Variants in FAM76A observed in about 807,000 individuals in gnomAD.
The protein encoded by FAM76A is protein FAM76A.
In FAM76A, 32 loss-of-function variants were observed where a neutral mutation model predicts 46.2. That is an observed-to-expected ratio of 0.69 (90% confidence interval 0.52 to 0.93). The LOEUF (loss-of-function observed/expected upper bound fraction) is 0.93. Ranked by LOEUF, FAM76A falls within the 40% of genes least tolerant of loss-of-function variation. The pLI is 0.00. For missense variants in FAM76A, 274 were observed against 361.5 expected (o/e 0.76, Z 1.96); for synonymous variants, 137 against 127.0 (o/e 1.08, Z -0.53).
chr1:27,751,155 AAGGT>A (rs1350384510), intron 6 of FAM76A, among the ~76,000 whole-genome samples: 7 of 152,172 alleles, frequency 4.6e-5, no homozygotes, highest in African/African-American at 1.4e-4. Context: ...CTCAAAAAAA[AAGGT>A]AGGGGAGATA....
At chr1:27,734,244 T>C (rs2088007320) in intron 4 of FAM76A, 61 bp downstream of exon 4, 24 of 1,524,014 alleles carry the variant, frequency 1.6e-5, no homozygotes, top group Non-Finnish European at 8.8e-7. Flanking sequence ...GTGGACTAAC[T>C]GTGTTAAAAA....
chr1:27,744,906 C>T (rs1241855312), intron 5 of FAM76A, 95 bp downstream of exon 5: 1 of 1,223,092 alleles, frequency 8.2e-7, no homozygotes, highest in Non-Finnish European at 1.1e-6. Context: ...ATCTCATATA[C>T]ATTTTCTATA....
chr1:27,742,611 A>C (rs1488576309), intron 4 of FAM76A, among the ~76,000 whole-genome samples: 1 of 152,142 alleles, frequency 6.6e-6, no homozygotes, highest in African/African-American at 2.4e-5. Context: ...GTTTGGGGAG[A>C]TGTTGGCCAA....
intron 6 of FAM76A, among the ~76,000 whole-genome samples, chr1:27,749,678 G>T (rs2088302045): frequency 6.6e-6 from 1 of 152,134 alleles, no homozygotes; most frequent in Non-Finnish European, 1.5e-5. Flanking sequence ...ATTCTAAGAA[G>T]TCCAGAGCTG....
At chr1:27,749,631 CAGGCATGAG>C (rs1323319178) in intron 6 of FAM76A, among the ~76,000 whole-genome samples, 1 of 152,132 alleles carries the variant, frequency 6.6e-6, no homozygotes, top group African/African-American at 2.4e-5. Context: ...GCGGGGATTA[CAGGCATGAG>C]CCACCTTGCC....
chr1:27,760,017 C>T (rs141031717), intron 8 of FAM76A: 8,989 of 458,182 alleles, frequency 0.02, 143 homozygotes, highest in Middle Eastern at 0.043. Flanking sequence ...AAGCAATCCT[C>T]CCACCTCAAC....
intron 4 of FAM76A, among the ~76,000 whole-genome samples, chr1:27,740,881 C>G (rs989265232): frequency 2.0e-5 from 3 of 152,004 alleles, no homozygotes; most frequent in Non-Finnish European, 4.4e-5. Context: ...GTAATCCCAG[C>G]ACTTTGGGAG....
In FAM76A at chr1:27,755,276, C is replaced by T; in HGVS notation, c.681C>T (p.Thr227=). 1 of 1,614,000 alleles carries T rather than the reference C, an allele frequency of 6.2e-7. No individual in the cohort carries two copies. Among genetic ancestry groups the T allele is most frequent in the Non-Finnish European group, 8.5e-7 (1 of 1,179,992 alleles). ...CCCAACTGAAGGAAGAAGTGGCTACCCTGAAGAAGATGTTGCATCAAAAGG... is the reference window on the plus strand; with the variant it reads ...CCCAACTGAAGGAAGAAGTGGCTACTCTGAAGAAGATGTTGCATCAAAAGG... ...IIAQLKEEVA[T]LKKMLHQKDQ... The change falls in exon 7 of 9, where the codon ACC becomes ACT. Residue 227 remains threonine, a synonymous_variant. Coordinates refer to ENST00000373954, the MANE Select transcript of FAM76A (RefSeq NM_152660.3).
rs1303331611 is a variant in FAM76A at position 27,752,351 on chromosome 1, GTC to G, written c.600-2840_600-2839del. 3.3e-5 allele frequency among the ~76,000 whole-genome samples: 5 copies of G among 152,088 alleles called. No individual in the cohort carries two copies. The East Asian group carries it at 9.7e-4, about 29-fold the overall frequency. On this transcript the variant is annotated intron_variant, in intron 6 of 8. Coordinates refer to ENST00000373954, the MANE Select transcript of FAM76A (RefSeq NM_152660.3). ...TTCTAAGTATCCTACAACATCCACA[GTC>G]TCTGTCTCAATATGTCCTAATTTGT...
At position 27,752,743 on chromosome 1, in the gene FAM76A, A is replaced by G. The variant is rs141483940; in HGVS notation, c.600-2452A>G. The stretch of plus-strand genomic sequence containing the variant: ...ACAGTACGAGCTTTTGTAAAAGACA[A>G]TTTTTCTGGAGAAGTAGTAGTTCCC... On this transcript the variant is annotated intron_variant, in intron 6 of 8. Coordinates refer to ENST00000373954, the MANE Select transcript of FAM76A (RefSeq NM_152660.3). Among the ~76,000 whole-genome samples, 1,322 of 152,292 alleles carry G rather than the reference A, an allele frequency of 8.7e-3. 8 individuals are homozygous for G. The highest frequency in any genetic ancestry group is 0.034 in the Middle Eastern group (10 of 294).
chr1:27,753,202 G>A (rs578142591), intron 6 of FAM76A, among the ~76,000 whole-genome samples: 1 of 152,160 alleles, frequency 6.6e-6, no homozygotes, highest in Non-Finnish European at 1.5e-5. Flanking sequence ...AGAAAAGAGA[G>A]AGTTAGTGAG....
intron 2 of FAM76A, 77 bp downstream of exon 2, chr1:27,727,613 A>G: frequency 9.5e-7 from 1 of 1,050,176 alleles, no homozygotes; most frequent in Non-Finnish European, 1.5e-6. Context: ...CATTTCATGT[A>G]CAGATGCTAT....
intron 6 of FAM76A, among the ~76,000 whole-genome samples, chr1:27,750,546 T>G (rs2088314531): frequency 6.6e-6 from 1 of 152,262 alleles, no homozygotes; most frequent in Non-Finnish European, 1.5e-5. Flanking sequence ...TATAAAGGCC[T>G]AAGCCAAGAC....
chr1:27,734,920 G>A (rs950098058), intron 4 of FAM76A, among the ~76,000 whole-genome samples: 1 of 152,220 alleles, frequency 6.6e-6, no homozygotes, highest in Non-Finnish European at 1.5e-5. Flanking sequence ...TGTACCTTGA[G>A]AGAATCAAAA....
chr1:27,748,689 G>T (rs2088285650), intron 5 of FAM76A, among the ~76,000 whole-genome samples: 1 of 151,154 alleles, frequency 6.6e-6, no homozygotes, highest in Non-Finnish European at 1.5e-5. Flanking sequence ...CACCGTGTTA[G>T]CCAGGATGGT....
intron 4 of FAM76A, among the ~76,000 whole-genome samples, chr1:27,734,471 C>T (rs1377150751): frequency 2.0e-5 from 3 of 152,170 alleles, no homozygotes; most frequent in Non-Finnish European, 4.4e-5. Flanking sequence ...CACTTGAACC[C>T]GGGAGGCAGA....
chr1:27,744,163 T>A (rs2088201185), intron 4 of FAM76A, among the ~76,000 whole-genome samples: 1 of 152,168 alleles, frequency 6.6e-6, no homozygotes, highest in African/African-American at 2.4e-5. Context: ...GGAGTCACGC[T>A]CTGTTGCCAG....
At chr1:27,726,627 G>A (rs984601134) in intron 1 of FAM76A, among the ~76,000 whole-genome samples, 9 of 150,940 alleles carry the variant, frequency 6.0e-5, no homozygotes, top group African/African-American at 2.0e-4. Flanking sequence ...AGCAAGGCTT[G>A]ATTTTTTTTT....
rs550401619 is a variant in FAM76A, at chr1:27,731,222, T to C, written c.147-1381T>C. On this transcript the variant is annotated intron_variant, in intron 2 of 8. Transcript: ENST00000373954. ...AATTTTTTTTTTTTTTTTTTTTTTT[T>C]CGAGACACAGTTTTGCTGTTGCCCA... 8.9e-3 allele frequency among the ~76,000 whole-genome samples: 1,223 copies of C among 137,850 alleles called. 16 individuals carry two copies. Among genetic ancestry groups the C allele is most frequent in the African/African-American group, 0.037 (1,152 of 31,194 alleles). 90.4% of individuals were successfully genotyped at this position (137,850 alleles called of 152,430 possible). A position where few individuals can be genotyped will look rare whatever the true frequency, so the allele number is the denominator to read the frequency against.
Sources: gnomAD v4.1 joint callset for allele counts (sites outside exome capture counted in the v4.1 genomes callset) on GRCh38, gnomAD v4.1.1 for gene constraint, MANE v1.5 for transcripts, NCBI Gene and HGNC (gene_info 2026-07-23, HGNC 2026-07-21) for gene names.